CNTN6: variants seen among roughly 807,000 people sequenced by gnomAD.
CNTN6 encodes contactin-6.
In CNTN6, 137 loss-of-function variants were observed where a neutral mutation model predicts 122.8. The ratio of observed to expected loss-of-function variants is 1.12; its 90% CI spans 0.97 to 1.29. The LOEUF (loss-of-function observed/expected upper bound fraction) is 1.29, where lower values mean the gene tolerates loss of function less well. Ranked by LOEUF, CNTN6 falls within the 50% of genes most tolerant of loss-of-function variation. CNTN6 has a pLI of 0.00. For missense variants in CNTN6, 1,634 were observed against 1,223.4 expected (o/e 1.34, Z -5.01); for synonymous variants, 570 against 426.0 (o/e 1.34, Z -4.16).
intron 2 of CNTN6, among the ~76,000 whole-genome samples, chr3:1,202,356 C>G (rs951647067): frequency 6.6e-6 from 1 of 151,818 alleles, no homozygotes; most frequent in Non-Finnish European, 1.5e-5. Flanking sequence ...CTGGCTAACA[C>G]GGTGAAACCG....
At chr3:1,103,475 T>G (rs1389596052) in intron 1 of CNTN6, among the ~76,000 whole-genome samples, 2 of 151,754 alleles carry the variant, frequency 1.3e-5, no homozygotes, top group Non-Finnish European at 1.5e-5. Context: ...TCTATCTGCT[T>G]TCTTTAGGGC....
At chr3:1,316,801 T>G (rs957570928) in intron 7 of CNTN6, among the ~76,000 whole-genome samples, 10 of 152,072 alleles carry the variant, frequency 6.6e-5, no homozygotes, top group African/African-American at 2.2e-4. Flanking sequence ...AGCTCGCTAC[T>G]AAAATAATTT....
chr3:1,386,220 AT>A (rs1559997066), intron 20 of CNTN6, among the ~76,000 whole-genome samples: 1 of 152,122 alleles, frequency 6.6e-6, no homozygotes, highest in East Asian at 1.9e-4. Context: ...ATTATTAATA[AT>A]AAGTGTCCAG....
At chr3:1,312,055 TG>T (rs1291617633) in intron 7 of CNTN6, among the ~76,000 whole-genome samples, 4 of 151,988 alleles carry the variant, frequency 2.6e-5, no homozygotes, top group African/African-American at 9.7e-5. Context: ...TATTGGTAAA[TG>T]GAACACTATG....
rs554742086 is a variant in CNTN6 at position 1,165,282 on chromosome 3, G to A, written c.55+17219G>A. On this transcript the variant is annotated intron_variant, in intron 2 of 22. Transcript: ENST00000446702. ...CATTACCGCTCATCTAGGCTGTTGC[G>A]GAAGACTCTGCAATCCTCTTTTCTC... 2.7e-3 allele frequency among the ~76,000 whole-genome samples: 404 copies of A among 152,090 alleles called. 1 individual carries two copies. The highest frequency in any genetic ancestry group is 9.1e-3 in the African/African-American group (379 of 41,484).
At chr3:1,132,658 A>AAAATAAATAAATAAATAAAT (rs71303111) in intron 1 of CNTN6, among the ~76,000 whole-genome samples, 2,850 of 144,464 alleles carry the variant, frequency 0.02, 46 homozygotes, top group East Asian at 0.039. Flanking sequence ...CTCTGTCTAA[A>AAAATAAATAAATAAATAAAT]AAATAAATAA....
chr3:1,385,336 T>G (rs539449716), intron 19 of CNTN6, among the ~76,000 whole-genome samples: 2 of 152,092 alleles, frequency 1.3e-5, no homozygotes, highest in Non-Finnish European at 2.9e-5. Context: ...GCTGGTAACC[T>G]TTAGATAGCT....
intron 4 of CNTN6, among the ~76,000 whole-genome samples, chr3:1,267,596 G>C (rs76983527): frequency 0.018 from 2,668 of 152,178 alleles, 86 homozygotes; most frequent in African/African-American, 0.061. Flanking sequence ...TGATATTGGA[G>C]AAAAATTGGA....
chr3:1,242,425 G>T (rs61340033), intron 4 of CNTN6, among the ~76,000 whole-genome samples: 1 of 149,940 alleles, frequency 6.7e-6, no homozygotes, highest in African/African-American at 2.5e-5. Flanking sequence ...TGTAAGACTT[G>T]TCCGGTTTTT....
intron 9 of CNTN6, 83 bp from the exon 10 acceptor site, chr3:1,327,374 C>A (rs1320799035): frequency 1.5e-6 from 2 of 1,371,664 alleles, no homozygotes; most frequent in Non-Finnish European, 2.0e-6. Flanking sequence ...TAGATATACA[C>A]AAATGTTGTT....
chr3:1,384,666 C>CTATA (rs539955358), intron 19 of CNTN6, among the ~76,000 whole-genome samples: 43 of 113,570 alleles, frequency 3.8e-4, no homozygotes, highest in African/African-American at 1.4e-3. Context: ...TTAATTTTGC[C>CTATA]TATATATATA....
chr3:1,214,548 G>A (rs544066132), intron 2 of CNTN6, among the ~76,000 whole-genome samples: 5 of 151,848 alleles, frequency 3.3e-5, no homozygotes, highest in Non-Finnish European at 5.9e-5. Context: ...AACCTCAGGC[G>A]ATCCACCCAC....
At chr3:1,384,259 T>G (rs1425237739) in intron 19 of CNTN6, among the ~76,000 whole-genome samples, 1 of 152,032 alleles carries the variant, frequency 6.6e-6, no homozygotes, top group Non-Finnish European at 1.5e-5. Flanking sequence ...GATCAGGTGA[T>G]TATATGATTA....
chr3:1,352,888 T>G (rs1355268223), intron 12 of CNTN6, among the ~76,000 whole-genome samples: 4 of 151,730 alleles, frequency 2.6e-5, no homozygotes, highest in Non-Finnish European at 5.9e-5. Context: ...GGTACAAAAC[T>G]AATGAAATGC....
intron 7 of CNTN6, among the ~76,000 whole-genome samples, chr3:1,321,202 A>C (rs1044742317): frequency 3.3e-5 from 5 of 151,758 alleles, no homozygotes; most frequent in Admixed American, 2.0e-4. Context: ...TATATATATA[A>C]AGCCTGCCTA....
intron 20 of CNTN6, among the ~76,000 whole-genome samples, chr3:1,393,925 A>G (rs534524113): frequency 1.5e-4 from 23 of 152,290 alleles, no homozygotes; most frequent in African/African-American, 5.1e-4. Context: ...TTATATAAAT[A>G]TATAAAAGTG....
At chr3:1,323,946 G>C (rs969612501) in intron 8 of CNTN6, among the ~76,000 whole-genome samples, 1 of 139,730 alleles carries the variant, frequency 7.2e-6, no homozygotes, top group Non-Finnish European at 1.5e-5. Flanking sequence ...AGATATATCT[G>C]AAACCTTTGT....
At chr3:1,172,620 C>CTCTCTGTG (rs762907787) in intron 2 of CNTN6, among the ~76,000 whole-genome samples, 25 of 150,180 alleles carry the variant, frequency 1.7e-4, no homozygotes, top group African/African-American at 6.1e-4. Flanking sequence ...CAATAACTCT[C>CTCTCTGTG]TGTGTGTGTG....
At position 1,145,698 on chromosome 3, in the gene CNTN6, T is replaced by C. The variant is rs112819442; in HGVS notation, c.-82-2229T>C. On this transcript the variant is annotated intron_variant, in intron 1 of 22. Coordinates refer to ENST00000446702, the MANE Select transcript of CNTN6 (RefSeq NM_001289080.2). ...ATACAGACCCTAAGGAGGAATTCTATGCAAATTAAATGACATCTATATAGA... is the reference window on the plus strand; with the variant it reads ...ATACAGACCCTAAGGAGGAATTCTACGCAAATTAAATGACATCTATATAGA... Among the ~76,000 whole-genome samples the C allele has an allele frequency of 1.6e-4, 24 of 152,282 alleles. 1 individual carries two copies. The highest frequency in any genetic ancestry group is 5.5e-4 in the African/African-American group (23 of 41,572).
Sources: allele counts gnomAD v4.1 joint callset (sites outside exome capture counted in the v4.1 genomes callset), GRCh38; gene constraint gnomAD v4.1.1; transcripts MANE v1.5; gene names NCBI Gene and HGNC (gene_info 2026-07-23, HGNC 2026-07-21).